DLG1: variants seen among roughly 807,000 people sequenced by gnomAD.
DLG1 encodes discs large MAGUK scaffold protein 1.
Under a neutral mutation model 123.4 loss-of-function variants are expected in DLG1, and 42 were observed. That is an observed-to-expected ratio of 0.34 (90% CI 0.27 to 0.44). The LOEUF (loss-of-function observed/expected upper bound fraction) is 0.44. Among genes scored for constraint, DLG1 ranks in the 20% least tolerant of loss-of-function variants. The pLI is 1.00. For synonymous variants in DLG1, 317 were observed against 356.2 expected (o/e 0.89, Z 1.24); for missense variants, 942 against 1,082.6 (o/e 0.87, Z 1.82).
chr3:197,287,818 C>T (rs1226674198), intron 3 of DLG1, among the ~76,000 whole-genome samples: 2 of 152,090 alleles, frequency 1.3e-5, no homozygotes, highest in African/African-American at 4.8e-5. Context: ...CTCTGTATTG[C>T]TTAAGGTATG....
chr3:197,272,779 G>T (rs1764459778), intron 4 of DLG1, among the ~76,000 whole-genome samples: 1 of 152,186 alleles, frequency 6.6e-6, no homozygotes, highest in Non-Finnish European at 1.5e-5. Flanking sequence ...CAATTTAAAA[G>T]AACGCAAAAC....
chr3:197,244,949 A>T (rs375204578), intron 4 of DLG1, among the ~76,000 whole-genome samples: 3 of 152,188 alleles, frequency 2.0e-5, no homozygotes, highest in African/African-American at 7.2e-5. Flanking sequence ...AAACGTAGGA[A>T]TGTCAACAGT....
chr3:197,059,852 T>C, intron 23 of DLG1, 37 bp downstream of exon 23: 4 of 1,405,070 alleles, frequency 2.8e-6, no homozygotes, highest in Non-Finnish European at 4.0e-6. Context: ...TGACTGAATT[T>C]GTACACAGAG....
In DLG1 at chr3:197,059,899, C is replaced by T; in HGVS notation, c.2473G>A (p.Glu825Lys). 1.2e-6 allele frequency: 2 copies of T among 1,610,506 alleles called. No homozygotes were observed. Among genetic ancestry groups the T allele is most frequent in the Non-Finnish European group, 8.5e-7 (1 of 1,177,194 alleles). ...GGCATTTACACTTACATGATATTTT[C>T]CATGGATTTGGGTTTAATAAAAATG... is the stretch of plus-strand genomic sequence containing the variant. Reference protein sequence around the residue: ...ISIFIKPKSMENIMEMNKRLT... With the variant: ...ISIFIKPKSMKNIMEMNKRLT... Residue 825 changes from glutamate to lysine, a missense_variant, in exon 23 of 25, where the codon GAA (glutamate) becomes AAA (lysine). Physicochemically the swap from Glu to Lys is moderately conservative, Grantham distance 56. Transcript: ENST00000667157.
intron 11 of DLG1, among the ~76,000 whole-genome samples, chr3:197,121,894 A>G (rs1050621188): frequency 3.3e-5 from 5 of 151,684 alleles, no homozygotes; most frequent in African/African-American, 7.2e-5. Flanking sequence ...AAATCTGAAC[A>G]TTCTTGTGTC....
intron 18 of DLG1, among the ~76,000 whole-genome samples, chr3:197,074,506 TAAGA>T (rs1277473266): frequency 6.6e-6 from 1 of 152,044 alleles, no homozygotes; most frequent in Non-Finnish European, 1.5e-5. Flanking sequence ...ACTTAACATA[TAAGA>T]AAAATCTGTG....
At chr3:197,266,630 AGAG>A (rs913149861) in intron 4 of DLG1, among the ~76,000 whole-genome samples, 6 of 152,076 alleles carry the variant, frequency 3.9e-5, no homozygotes, top group African/African-American at 7.2e-5. Context: ...AAGGAGAGGG[AGAG>A]GAGAAGAGAA....
chr3:197,281,361 C>T (rs1282768987), intron 4 of DLG1, among the ~76,000 whole-genome samples: 1 of 152,094 alleles, frequency 6.6e-6, no homozygotes, highest in Non-Finnish European at 1.5e-5. Context: ...TTTATAAGGG[C>T]CTTAATCCCA....
intron 4 of DLG1, among the ~76,000 whole-genome samples, chr3:197,199,151 T>C (rs548860499): frequency 2.6e-5 from 4 of 152,316 alleles, no homozygotes; most frequent in African/African-American, 9.6e-5. Flanking sequence ...GAAGCTGAAA[T>C]TGACATATCT....
chr3:197,052,990 T>C (rs1285137508), intron 23 of DLG1, among the ~76,000 whole-genome samples: 1 of 152,226 alleles, frequency 6.6e-6, no homozygotes, highest in Non-Finnish European at 1.5e-5. Context: ...ATCAGTGACT[T>C]TTTGTAAGAA....
chr3:197,153,457 G>A (rs1398596946), intron 5 of DLG1, among the ~76,000 whole-genome samples: 1 of 152,134 alleles, frequency 6.6e-6, no homozygotes, highest in East Asian at 1.9e-4. Context: ...ACTGTGTACC[G>A]CCTGCACAAG....
At position 197,148,245 on chromosome 3, in the gene DLG1, CAA is replaced by C. The variant is rs1300222676; in HGVS notation, c.537+1496_537+1497del. 1.2e-3 allele frequency among the ~76,000 whole-genome samples: 50 copies of C among 43,288 alleles called. 4 individuals carry two copies. The highest frequency in any genetic ancestry group is 5.6e-3 in the African/African-American group (47 of 8,412). 28.4% of individuals were successfully genotyped at this position (43,288 alleles called of 152,430 possible). Reference sequence around the variant, plus strand: ...TAAAACCCCATCTCTACCAAAAATACAAAAAAAAAAAAAAAATAGCCAGTCAT... The same window carrying C: ...TAAAACCCCATCTCTACCAAAAATACAAAAAAAAAAAAAATAGCCAGTCAT... On this transcript the variant is annotated intron_variant, in intron 6 of 24. Transcript: ENST00000667157.
chr3:197,296,642 T>TA (rs199997900), intron 2 of DLG1, 165 bp from the exon 3 acceptor site: 10,220 of 407,968 alleles, frequency 0.025, 2 homozygotes, highest in South Asian at 0.032. Flanking sequence ...GACCAAAAAA[T>TA]AAAAAAAAAA....
chr3:197,136,260 T>C (rs577634973), intron 10 of DLG1: 5 of 259,454 alleles, frequency 1.9e-5, no homozygotes, highest in East Asian at 7.6e-5. Flanking sequence ...AATGATGACA[T>C]TGTTTTATAA....
At chr3:197,151,293 C>T (rs2149773252) in intron 5 of DLG1, among the ~76,000 whole-genome samples, 1 of 152,222 alleles carries the variant, frequency 6.6e-6, no homozygotes, top group South Asian at 2.1e-4. Context: ...GCCTTTTGGT[C>T]CCTCTGCCGA....
rs567259479 is a variant in DLG1 at position 197,129,879 on chromosome 3, T to C, written c.1165+648A>G. Among the ~76,000 whole-genome samples the C allele has an allele frequency of 3.3e-5, 5 of 152,252 alleles. No individual in the cohort carries two copies. The East Asian group carries it at 5.8e-4, about 18-fold the overall frequency. ...AGCTTGCTGTCTTATATGAGTGTGG[T>C]TGTGGCACTCCAAAACAATTAAAAT... is the stretch of plus-strand genomic sequence containing the variant. On this transcript the variant is annotated intron_variant, in intron 11 of 24. Transcript: ENST00000667157.
In DLG1 at chr3:197,241,970, A is replaced by C. The variant is rs531815731; in HGVS notation, c.318+40709T>G. 1.2e-4 allele frequency among the ~76,000 whole-genome samples: 18 copies of C among 152,320 alleles called. No homozygotes were observed. In the East Asian group the frequency reaches 1.9e-3, roughly 16 times the overall value. On this transcript the variant is annotated intron_variant, in intron 4 of 24. Transcript: ENST00000667157. ...TGGCAGTAGTCTTTACTTATCAATAATACTACTGAAGGTAAATGCACTCAG... is the reference window on the plus strand; with the variant it reads ...TGGCAGTAGTCTTTACTTATCAATACTACTACTGAAGGTAAATGCACTCAG...
chr3:197,211,650 G>C (rs957688472), intron 4 of DLG1, among the ~76,000 whole-genome samples: 1 of 146,830 alleles, frequency 6.8e-6, no homozygotes, highest in East Asian at 2.0e-4. Context: ...CTTATACACT[G>C]TTGTTGGGAG....
chr3:197,221,549 G>A (rs908201841), intron 4 of DLG1, among the ~76,000 whole-genome samples: 5 of 150,424 alleles, frequency 3.3e-5, no homozygotes, highest in African/African-American at 4.9e-5. Flanking sequence ...AAAAAAAAAA[G>A]AAACATAACA....
Sources: allele counts gnomAD v4.1 joint callset (sites outside exome capture counted in the v4.1 genomes callset), GRCh38; gene constraint gnomAD v4.1.1; transcripts MANE v1.5; gene names NCBI Gene and HGNC (gene_info 2026-07-23, HGNC 2026-07-21).